Variants in CHODL observed in about 807,000 individuals in gnomAD.
CHODL encodes the protein transmembrane protein MT75.
CHODL carries 29 observed loss-of-function variants against 34.5 expected under a neutral mutation model. The ratio of observed to expected loss-of-function variants is 0.84; its 90% confidence interval spans 0.63 to 1.15. The LOEUF (loss-of-function observed/expected upper bound fraction) is 1.15. CHODL is among the 50% of genes most tolerant of loss of function. CHODL has a pLI of 0.00. For missense variants in CHODL, 332 were observed against 332.5 expected, an observed-to-expected ratio of 1.00 and a Z score of 0.01; for synonymous variants, 125 against 116.1, an observed-to-expected ratio of 1.08 and a Z score of -0.49.
At chr21:18,118,308 A>C (rs2065437661) in intron 2 of CHODL, among the ~76,000 whole-genome samples, 1 of 152,152 alleles carries the variant, frequency 6.6e-6, no homozygotes, top group African/African-American at 2.4e-5. Context: ...ACAGGCTAGC[A>C]GTTTGAATGA....
chr21:17,966,057 A>T (rs1006635651), intron 1 of CHODL, among the ~76,000 whole-genome samples: 1 of 151,952 alleles, frequency 6.6e-6, no homozygotes, highest in Non-Finnish European at 1.5e-5. Flanking sequence ...TTAATATTAT[A>T]TGTCTAACGG....
At chr21:18,067,053 C>T (rs545807756) in intron 2 of CHODL, among the ~76,000 whole-genome samples, 6 of 152,284 alleles carry the variant, frequency 3.9e-5, no homozygotes, top group African/African-American at 1.4e-4. Context: ...TGAACTAATA[C>T]AGGGAGGTAG....
chr21:18,169,873 T>C (rs1467121970), intron 2 of CHODL, among the ~76,000 whole-genome samples: 1 of 152,034 alleles, frequency 6.6e-6, no homozygotes, highest in Non-Finnish European at 1.5e-5. Flanking sequence ...TGGTTTGTTA[T>C]TTGGGAGTGT....
intron 1 of CHODL, among the ~76,000 whole-genome samples, chr21:18,248,978 T>A (rs1326692733): frequency 8.9e-6 from 1 of 111,874 alleles, no homozygotes. Context: ...TATATGTAAA[T>A]ATATATTATA....
At chr21:18,240,365 A>G (rs2074070097), upstream of CHODL, among the ~76,000 whole-genome samples, 1 of 152,114 alleles carries the variant, frequency 6.6e-6, no homozygotes, top group African/African-American at 2.4e-5. Flanking sequence ...GAAACACAGA[A>G]CTTCTCCAAT....
At chr21:18,126,039 A>G (rs1019418387) in intron 2 of CHODL, among the ~76,000 whole-genome samples, 1 of 152,316 alleles carries the variant, frequency 6.6e-6, no homozygotes, top group African/African-American at 2.4e-5. Context: ...GCAACAGTCT[A>G]TAGTCCCAGC....
At chr21:18,227,077 T>C (rs1410805578) in intron 2 of CHODL, among the ~76,000 whole-genome samples, 1 of 152,162 alleles carries the variant, frequency 6.6e-6, no homozygotes, top group African/African-American at 2.4e-5. Flanking sequence ...TTCTCACAGA[T>C]GGCACCTTCT....
chr21:18,067,714 GAAATAA>G (rs2064748321), intron 2 of CHODL, among the ~76,000 whole-genome samples: 1 of 152,174 alleles, frequency 6.6e-6, no homozygotes, highest in Admixed American at 6.5e-5. Flanking sequence ...TCATATTTGA[GAAATAA>G]GGATGCCTGA....
rs144586949 is a variant in CHODL, at chr21:18,207,339, C to T, written c.-44-49170C>T. Among the ~76,000 whole-genome samples, 462 of 152,116 alleles carry T rather than the reference C, an allele frequency of 3.0e-3. 4 individuals carry two copies. Among genetic ancestry groups the T allele is most frequent in the Non-Finnish European group, 3.9e-3 (264 of 67,992 alleles). On this transcript the variant is annotated intron_variant, in intron 2 of 6. Transcript: ENST00000400127. Reference sequence around the variant, plus strand: ...ACTGATTGCATAAACAAAGATAAAACGAATAAAAACTCAACATTTTAATTT... The same window carrying T: ...ACTGATTGCATAAACAAAGATAAAATGAATAAAAACTCAACATTTTAATTT...
intron 2 of CHODL, among the ~76,000 whole-genome samples, chr21:18,185,982 T>C (rs1002583059): frequency 2.0e-5 from 3 of 152,230 alleles, no homozygotes; most frequent in Middle Eastern, 3.4e-3. Flanking sequence ...TTTTAACATA[T>C]GAATTTTGAG....
intron 1 of CHODL, among the ~76,000 whole-genome samples, chr21:18,001,476 G>A (rs1237832926): frequency 6.6e-6 from 1 of 152,184 alleles, no homozygotes; most frequent in East Asian, 1.9e-4. Flanking sequence ...CAGTGTAATG[G>A]CATGCCTCAT....
intron 2 of CHODL, among the ~76,000 whole-genome samples, chr21:18,133,260 T>C (rs948829837): frequency 6.6e-6 from 1 of 152,152 alleles, no homozygotes; most frequent in Non-Finnish European, 1.5e-5. Flanking sequence ...TGTTCGATGT[T>C]CATTATTTCT....
chr21:18,108,424 A>G (rs920407351), intron 2 of CHODL, among the ~76,000 whole-genome samples: 1 of 152,190 alleles, frequency 6.6e-6, no homozygotes, highest in Admixed American at 6.5e-5. Context: ...TGTTTCCATC[A>G]GGGAATACAG....
At chr21:18,083,951 G>A (rs1446095322) in intron 2 of CHODL, among the ~76,000 whole-genome samples, 2 of 152,196 alleles carry the variant, frequency 1.3e-5, no homozygotes, top group African/African-American at 2.4e-5. Context: ...ACTGCATTTT[G>A]AAATGTGAGA....
At chr21:18,206,930 C>T (rs2073719034) in intron 2 of CHODL, among the ~76,000 whole-genome samples, 1 of 151,494 alleles carries the variant, frequency 6.6e-6, no homozygotes, top group Non-Finnish European at 1.5e-5. Context: ...TACATGTGCA[C>T]AAGGTGCAGG....
chr21:17,965,453 CTCCTCT>C lies in CHODL; in HGVS notation c.-145+48065_-145+48070del, dbSNP rs746443180. Among the ~76,000 whole-genome samples, 47 of 152,164 alleles carry C rather than the reference CTCCTCT, an allele frequency of 3.1e-4. No homozygotes were observed. In the South Asian group the frequency reaches 6.4e-3, roughly 21 times the overall value. On this transcript the variant is annotated intron_variant, in intron 1 of 6. Transcript: ENST00000400127. ...CTTCATTCCTTCCATCCTCCTCCTC[CTCCTCT>C]TCCTCTTCCTCCTTCTTATTATTAT...
chr21:18,242,318 A>G (rs929658836), upstream of CHODL, among the ~76,000 whole-genome samples: 1 of 152,204 alleles, frequency 6.6e-6, no homozygotes, highest in Admixed American at 6.5e-5. Context: ...TAATAAAATT[A>G]TTGAATATTT....
At chr21:17,933,887 A>C (rs1195535726) in intron 1 of CHODL, among the ~76,000 whole-genome samples, 1 of 151,948 alleles carries the variant, frequency 6.6e-6, no homozygotes, top group East Asian at 1.9e-4. Flanking sequence ...AAAAATACAA[A>C]AATTAGCTGG....
At chr21:17,917,891 A>ATGTG (rs370637496) in intron 1 of CHODL, among the ~76,000 whole-genome samples, 7 of 150,712 alleles carry the variant, frequency 4.6e-5, no homozygotes, top group Non-Finnish European at 8.9e-5. Flanking sequence ...GTGTGTGTGT[A>ATGTG]TGTGTGTGTG....
Sources: allele counts gnomAD v4.1 joint callset (sites outside exome capture counted in the v4.1 genomes callset), GRCh38; gene constraint gnomAD v4.1.1; transcripts MANE v1.5; gene names NCBI Gene and HGNC (gene_info 2026-07-23, HGNC 2026-07-21).